The following UGGT1 variants were observed in gnomAD, a reference collection of about 807,000 sequenced individuals.
UGGT1 encodes UDP-glucose glycoprotein glucosyltransferase 1, also known as UDP-glucose:glycoprotein glucosyltransferase 1.
UGGT1 carries 107 observed loss-of-function variants against 203.9 expected under a neutral mutation model. The observed-to-expected ratio is 0.52, with a 90% confidence interval of 0.45 to 0.62. The LOEUF is 0.62. Among genes scored for constraint, UGGT1 ranks in the 20% least tolerant of loss-of-function variants. The pLI is 0.00. For missense variants in UGGT1, 1,673 were observed against 1,867.2 expected (o/e 0.90, Z 1.92); for synonymous variants, 628 against 653.5 (o/e 0.96, Z 0.59).
chr2:128,171,192 G>T lies in UGGT1; in HGVS notation c.3025-13G>T. On this transcript the variant is annotated splice_polypyrimidine_tract_variant and intron_variant, in intron 27 of 40. Coordinates refer to ENST00000259253, the MANE Select transcript of UGGT1 (RefSeq NM_020120.4). Reference sequence around the variant, plus strand: ...AAAATCCTAAATATTTTGTCATCTGGTTTTCCTTCTAGGTTTTGGCTCAGC... The same window carrying T: ...AAAATCCTAAATATTTTGTCATCTGTTTTTCCTTCTAGGTTTTGGCTCAGC... 3 of 1,600,674 alleles carry T rather than the reference G, an allele frequency of 1.9e-6. No individual in the cohort carries two copies. The highest frequency in any genetic ancestry group is 2.6e-6 in the Non-Finnish European group (3 of 1,176,122).
chr2:128,115,898 A>G (rs1402816057), intron 7 of UGGT1, among the ~76,000 whole-genome samples: 1 of 152,216 alleles, frequency 6.6e-6, no homozygotes, highest in Non-Finnish European at 1.5e-5. Context: ...TTGACTAATT[A>G]TAAATTCTTC....
chr2:128,176,274 G>A (rs758024517), intron 31 of UGGT1, among the ~76,000 whole-genome samples: 4 of 152,240 alleles, frequency 2.6e-5, no homozygotes, highest in South Asian at 2.1e-4. Context: ...TTAGCCAGGC[G>A]TGGTGGTGGG....
intron 30 of UGGT1, among the ~76,000 whole-genome samples, chr2:128,174,416 A>G (rs1312563693): frequency 6.8e-6 from 1 of 147,522 alleles, no homozygotes; most frequent in African/African-American, 2.5e-5. Context: ...CTCCTGCCCC[A>G]GCCTCCTGAG....
At chr2:128,150,499 A>G (rs922058170) in intron 18 of UGGT1, among the ~76,000 whole-genome samples, 1 of 152,012 alleles carries the variant, frequency 6.6e-6, no homozygotes, top group African/African-American at 2.4e-5. Context: ...ATGAAGAGAA[A>G]CTTTTAGCCA....
intron 1 of UGGT1, among the ~76,000 whole-genome samples, chr2:128,094,736 CTTTTTTTTTTTTTTTTT>C (rs70988604): frequency 5.9e-5 from 5 of 84,630 alleles, no homozygotes; most frequent in African/African-American, 2.3e-4. Context: ...TAAGAGAATG[CTTTTTTTTTTTTTTTTT>C]TTTTTTTTTT....
rs538390479 is a variant in UGGT1 at position 128,145,501 on chromosome 2, AAC to A, written c.1852-280_1852-279del. On this transcript the variant is annotated intron_variant, in intron 17 of 40. Coordinates refer to ENST00000259253, the MANE Select transcript of UGGT1 (RefSeq NM_020120.4). Reference sequence around the variant, plus strand: ...ACAGCCTGTGCTACACACACACACAAACACACACACACACACACACACATACA... The same window carrying A: ...ACAGCCTGTGCTACACACACACACAAACACACACACACACACACACATACA... 6.0e-3 allele frequency among the ~76,000 whole-genome samples: 631 copies of A among 104,816 alleles called. 3 individuals carry two copies. Among genetic ancestry groups the A allele is most frequent in the African/African-American group, 0.017 (476 of 27,526 alleles). 68.8% of individuals were successfully genotyped at this position (104,816 alleles called of 152,430 possible).
Position 128,148,077 on chromosome 2 carries a change from T to C in UGGT1, c.2016+2110T>C, listed in dbSNP as rs536586539. Among the ~76,000 whole-genome samples, 4 of 152,318 alleles carry C rather than the reference T, an allele frequency of 2.6e-5. No individual in the cohort carries two copies. The South Asian group carries it at 8.3e-4, about 32-fold the overall frequency. ...TCTTTCTTTTATTTTCTTTCCTTTT[T>C]TTGAGACAGAGTTTCGCTCTATTGC... is the stretch of plus-strand genomic sequence containing the variant. On this transcript the variant is annotated intron_variant, in intron 18 of 40. Coordinates refer to ENST00000259253, the MANE Select transcript of UGGT1 (RefSeq NM_020120.4).
chr2:128,134,449 A>G (rs1435398068), intron 14 of UGGT1, among the ~76,000 whole-genome samples: 1 of 152,228 alleles, frequency 6.6e-6, no homozygotes, highest in African/African-American at 2.4e-5. Flanking sequence ...AAGTTGCTTA[A>G]CACGTAATAC....
intron 2 of UGGT1, among the ~76,000 whole-genome samples, chr2:128,099,650 T>A (rs1298695349): frequency 1.3e-5 from 2 of 152,206 alleles, no homozygotes; most frequent in East Asian, 3.9e-4. Flanking sequence ...CTAAATAGAC[T>A]TCCTTCCATC....
chr2:128,154,087 T>A (rs1026373636), intron 19 of UGGT1, among the ~76,000 whole-genome samples: 4 of 130,650 alleles, frequency 3.1e-5, no homozygotes, highest in African/African-American at 1.2e-4. Context: ...ACACACACAC[T>A]CCTATACATA....
chr2:128,111,294 G>A (rs916885450), intron 5 of UGGT1, among the ~76,000 whole-genome samples: 30 of 152,106 alleles, frequency 2.0e-4, no homozygotes, highest in Non-Finnish European at 5.9e-5. Flanking sequence ...GGTAGAGACT[G>A]CAGTGAGCCC....
chr2:128,189,618 G>C (rs757716407), intron 40 of UGGT1, 99 bp from the exon 41 acceptor site: 1 of 1,212,764 alleles, frequency 8.2e-7, no homozygotes, highest in East Asian at 2.5e-5. Flanking sequence ...GAAGGTGGAG[G>C]TACAAAGAAT....
chr2:128,092,053 T>G (rs1008191091), intron 1 of UGGT1, among the ~76,000 whole-genome samples: 12 of 152,144 alleles, frequency 7.9e-5, no homozygotes, highest in African/African-American at 2.9e-4. Context: ...AGTCCTGGGG[T>G]CTTTTGCCTT....
At chr2:128,105,983 A>G (rs1436622889) in intron 3 of UGGT1, among the ~76,000 whole-genome samples, 2 of 151,916 alleles carry the variant, frequency 1.3e-5, no homozygotes, top group African/African-American at 4.8e-5. Flanking sequence ...TTTTGTAAAG[A>G]TGGGTCTAGC....
At chr2:128,175,915 A>G (rs1311075466) in intron 31 of UGGT1, among the ~76,000 whole-genome samples, 1 of 152,214 alleles carries the variant, frequency 6.6e-6, no homozygotes, top group Non-Finnish European at 1.5e-5. Flanking sequence ...GGTGACTGGA[A>G]ATTTTAGGCA....
At chr2:128,176,421 A>G (rs1302991613) in intron 31 of UGGT1, among the ~76,000 whole-genome samples, 2 of 151,696 alleles carry the variant, frequency 1.3e-5, no homozygotes, top group African/African-American at 4.8e-5. Context: ...AAAAAAAAAA[A>G]AAAAAAAAAA....
chr2:128,127,496 G>A (rs1364218269), intron 12 of UGGT1, 44 bp downstream of exon 12: 7 of 1,352,204 alleles, frequency 5.2e-6, no homozygotes, highest in South Asian at 2.4e-5. Flanking sequence ...TTTGTAATGC[G>A]TAGCACCTTG....
At chr2:128,131,461 C>T (rs946196293) in intron 13 of UGGT1, among the ~76,000 whole-genome samples, 2 of 152,146 alleles carry the variant, frequency 1.3e-5, no homozygotes, top group African/African-American at 4.8e-5. Context: ...CCTCAGCCTC[C>T]TGAACAATTG....
intron 2 of UGGT1, among the ~76,000 whole-genome samples, chr2:128,099,836 TATG>T (rs1687284079): frequency 6.6e-6 from 1 of 152,164 alleles, no homozygotes; most frequent in South Asian, 2.1e-4. Context: ...GAGTTCTTAT[TATG>T]GGGGAAAAAA....
Sources: gnomAD v4.1 joint callset for allele counts (sites outside exome capture counted in the v4.1 genomes callset) on GRCh38, gnomAD v4.1.1 for gene constraint, MANE v1.5 for transcripts, NCBI Gene and HGNC (gene_info 2026-07-23, HGNC 2026-07-21) for gene names.